Variants in WARS2 observed in about 807,000 individuals in gnomAD.
WARS2 encodes the protein tryptophan--tRNA ligase, mitochondrial.
In WARS2, 28 loss-of-function variants were observed where a neutral mutation model predicts 36.5. The ratio of observed to expected loss-of-function variants is 0.77; its 90% CI spans 0.57 to 1.05. The LOEUF is 1.05. Ranked by LOEUF, WARS2 falls within the 50% of genes least tolerant of loss-of-function variation. The probability of loss-of-function intolerance (pLI) is 0.00; values close to 1 mark genes in which losing one functional copy is unlikely to be tolerated. For missense variants in WARS2, 435 were observed against 456.8 expected (o/e 0.95, Z 0.44); for synonymous variants, 174 against 178.4 (o/e 0.98, Z 0.20).
intron 1 of WARS2, among the ~76,000 whole-genome samples, chr1:119,091,822 A>C (rs1653068842): frequency 6.6e-6 from 1 of 152,162 alleles, no homozygotes; most frequent in South Asian, 2.1e-4. Flanking sequence ...CTTTTTCCCC[A>C]ATGTGTCGGC....
Position 119,140,620 on chromosome 1 carries a change from C to G in WARS2, c.25G>C (p.Ala9Pro). Residue 9 changes from alanine to proline, a missense_variant, in exon 1 of 6, where the codon GCG becomes CCG. Coordinates refer to ENST00000235521, the MANE Select transcript of WARS2 (RefSeq NM_015836.4). MALHSMRKARERWSFIRAL... is the reference protein window; with the variant it reads MALHSMRKPRERWSFIRAL... ...CGGATGAAGCTCCAGCGCTCACGCG[C>G]TTTCCGCATTGAGTGCAGCGCCATC... The G allele has an allele frequency of 6.2e-7, 1 of 1,613,888 alleles. No individual in the cohort carries two copies. The highest frequency in any genetic ancestry group is 8.5e-7 in the Non-Finnish European group (1 of 1,179,856).
At chr1:119,092,400 G>A (rs1162369037) in intron 1 of WARS2, among the ~76,000 whole-genome samples, 1 of 152,182 alleles carries the variant, frequency 6.6e-6, no homozygotes, top group African/African-American at 2.4e-5. Context: ...GGAAATTAAT[G>A]TAAAAATTAA....
chr1:119,124,687 T>C lies in WARS2; in HGVS notation c.90+15868A>G, dbSNP rs148121684. 8.1e-3 allele frequency among the ~76,000 whole-genome samples: 1,241 copies of C among 152,290 alleles called. 15 individuals carry two copies. The highest frequency in any genetic ancestry group is 0.029 in the African/African-American group (1,187 of 41,542). On this transcript the variant is annotated intron_variant, in intron 1 of 5. Transcript: ENST00000235521. ...TCTATTCTTGTTCCTCTATATTCTA[T>C]TTTTAACATGATAACCAGAGTGAGA...
chr1:119,035,070 T>C (rs1571250113), intron 4 of WARS2, among the ~76,000 whole-genome samples: 1 of 152,316 alleles, frequency 6.6e-6, no homozygotes, highest in East Asian at 1.9e-4. Flanking sequence ...AAACCAAAAA[T>C]ATCAGAATAT....
chr1:119,093,501 A>C lies in WARS2; in HGVS notation c.91-16894T>G, dbSNP rs899181082. On this transcript the variant is annotated intron_variant, in intron 1 of 5. Transcript: ENST00000235521. Reference sequence around the variant, plus strand: ...AAATACAATGACTTGTGTCCTTAAAAGAAGAGAAGACACACAGACACATAG... The same window carrying C: ...AAATACAATGACTTGTGTCCTTAAACGAAGAGAAGACACACAGACACATAG... Among the ~76,000 whole-genome samples the C allele has an allele frequency of 5.9e-5, 5 of 85,276 alleles. No individual in the cohort carries two copies. The Admixed American group carries it at 6.0e-4, about 10-fold the overall frequency. 55.9% of individuals were successfully genotyped at this position (85,276 alleles called of 152,430 possible). A position where few individuals can be genotyped will look rare whatever the true frequency, so the allele number is the denominator to read the frequency against.
intron 4 of WARS2, among the ~76,000 whole-genome samples, chr1:119,035,749 T>C (rs1275590040): frequency 6.6e-6 from 1 of 152,138 alleles, no homozygotes. Context: ...AAACTGACAG[T>C]TCACATATCT....
At chr1:119,082,769 C>T (rs1652300177) in intron 1 of WARS2, among the ~76,000 whole-genome samples, 1 of 152,196 alleles carries the variant, frequency 6.6e-6, no homozygotes, top group Non-Finnish European at 1.5e-5. Flanking sequence ...AGTGCTCTGG[C>T]CACCACACCA....
intron 1 of WARS2, 107 bp downstream of exon 1, chr1:119,140,448 A>G (rs1571421956): frequency 9.8e-7 from 1 of 1,023,110 alleles, no homozygotes; most frequent in East Asian, 2.6e-5. Flanking sequence ...GAGGGAAGGC[A>G]TGTACTTTCC....
At position 119,077,896 on chromosome 1, in the gene WARS2, C is replaced by T. The variant is rs371803547; in HGVS notation, c.91-1289G>A. Among the ~76,000 whole-genome samples, 9 of 152,206 alleles carry T rather than the reference C, an allele frequency of 5.9e-5. No homozygotes were observed. The East Asian group carries it at 9.6e-4, about 16-fold the overall frequency. The stretch of plus-strand genomic sequence containing the variant: ...AAGGCCCTGAGAAAATATAATGCAT[C>T]ATTATCATTTTTAACCACCACCACA... On this transcript the variant is annotated intron_variant, in intron 1 of 5. Transcript: ENST00000235521.
chr1:119,045,824 C>T (rs193037290), intron 2 of WARS2, among the ~76,000 whole-genome samples, 162 bp from the exon 3 acceptor site: 157 of 152,208 alleles, frequency 1.0e-3, no homozygotes, highest in African/African-American at 3.6e-3. Flanking sequence ...GAAGCATAGA[C>T]TCTTAGGTGA....
chr1:119,080,817 T>C (rs890697691), intron 1 of WARS2, among the ~76,000 whole-genome samples: 1 of 152,178 alleles, frequency 6.6e-6, no homozygotes, highest in Non-Finnish European at 1.5e-5. Context: ...CGAAAGGAGC[T>C]TGGGCTTCCC....
At position 119,099,936 on chromosome 1, in the gene WARS2, C is replaced by G. The variant is rs115064476; in HGVS notation, c.91-23329G>C. 4.8e-3 allele frequency among the ~76,000 whole-genome samples: 738 copies of G among 152,176 alleles called. 3 individuals carry two copies. Among genetic ancestry groups the G allele is most frequent in the Non-Finnish European group, 8.6e-3 (586 of 68,000 alleles). On this transcript the variant is annotated intron_variant, in intron 1 of 5. Coordinates refer to ENST00000235521, the MANE Select transcript of WARS2 (RefSeq NM_015836.4). ...TCCTCAAATGCACAGGCAACAAACC[C>G]AAAAATAGACAAGTAGGACCTAATT...
chr1:119,096,627 C>T (rs1653457723), intron 1 of WARS2, among the ~76,000 whole-genome samples: 1 of 152,010 alleles, frequency 6.6e-6, no homozygotes, highest in African/African-American at 2.4e-5. Context: ...TCCTCCTTCC[C>T]CAACTGGAAA....
chr1:119,129,009 G>A (rs919395895), intron 1 of WARS2, among the ~76,000 whole-genome samples: 2 of 152,160 alleles, frequency 1.3e-5, no homozygotes, highest in Non-Finnish European at 2.9e-5. Flanking sequence ...ATGTCATGTG[G>A]ATGCTGAAAC....
intron 1 of WARS2, among the ~76,000 whole-genome samples, chr1:119,114,604 T>C (rs1255087730): frequency 6.6e-6 from 1 of 152,182 alleles, no homozygotes; most frequent in Non-Finnish European, 1.5e-5. Flanking sequence ...GCTTCCTGGT[T>C]CAGGTTAGGA....
At chr1:119,132,417 C>T (rs1249684935) in intron 1 of WARS2, among the ~76,000 whole-genome samples, 1 of 152,182 alleles carries the variant, frequency 6.6e-6, no homozygotes, top group Non-Finnish European at 1.5e-5. Flanking sequence ...GAGTTCCACA[C>T]AGTCTGGTCC....
In WARS2 at chr1:119,093,956, C is replaced by T. The variant is rs1049570013; in HGVS notation, c.91-17349G>A. Among the ~76,000 whole-genome samples the T allele has an allele frequency of 3.9e-5, 6 of 152,124 alleles. No homozygotes were observed. The South Asian group carries it at 6.2e-4, about 16-fold the overall frequency. On this transcript the variant is annotated intron_variant, in intron 1 of 5. Transcript: ENST00000235521. ...CAGAGTAGAATAAAAGTATTCTGCA[C>T]GGGTTGTGGTGACTGACCAAACCAC...
rs147887119 is a variant in WARS2, at chr1:119,050,776, C to T, written c.349-5114G>A. 7.8e-3 allele frequency among the ~76,000 whole-genome samples: 1,190 copies of T among 151,968 alleles called. 14 individuals are homozygous for T. The highest frequency in any genetic ancestry group is 0.027 in the African/African-American group (1,132 of 41,420). ...AACAAAAATATTATATACTGTTCAT[C>T]GAATTACACATGAAAACAATTATAA... On this transcript the variant is annotated intron_variant, in intron 2 of 5. Coordinates refer to ENST00000235521, the MANE Select transcript of WARS2 (RefSeq NM_015836.4).
rs1211073252 is a variant in WARS2, at chr1:119,049,183, CA to C, written c.349-3522del. On this transcript the variant is annotated intron_variant, in intron 2 of 5. Coordinates refer to ENST00000235521, the MANE Select transcript of WARS2 (RefSeq NM_015836.4). ...CACATCAGCGGAGGAACACATGAAA[CA>C]CGGGCAGCACACCAGCGGGCCACTG... 2.6e-5 allele frequency among the ~76,000 whole-genome samples: 4 copies of C among 152,202 alleles called. No homozygotes were observed. In the East Asian group the frequency reaches 7.7e-4, roughly 29 times the overall value.
Sources: gnomAD v4.1 joint callset for allele counts (sites outside exome capture counted in the v4.1 genomes callset) on GRCh38, gnomAD v4.1.1 for gene constraint, MANE v1.5 for transcripts, NCBI Gene and HGNC (gene_info 2026-07-23, HGNC 2026-07-21) for gene names.